Variants in ADGRG5 observed in about 807,000 individuals in gnomAD.
The protein encoded by ADGRG5 is adhesion G protein-coupled receptor G5.
In ADGRG5, 37 loss-of-function variants were observed where a neutral mutation model predicts 53.2. That is an observed-to-expected ratio of 0.70 (90% confidence interval 0.53 to 0.91). ADGRG5 has a LOEUF of 0.91. Ranked by LOEUF, ADGRG5 falls within the 40% of genes least tolerant of loss-of-function variation. The pLI, the probability that ADGRG5 is intolerant of heterozygous loss-of-function variation, is 0.00. For synonymous variants in ADGRG5, 277 were observed against 290.4 expected (o/e 0.95, Z 0.47); for missense variants, 614 against 675.8 (o/e 0.91, Z 1.01).
At chr16:57,548,719 C>CT (rs56928422) in intron 1 of ADGRG5, among the ~76,000 whole-genome samples, 92 of 107,992 alleles carry the variant, frequency 8.5e-4, no homozygotes, top group South Asian at 8.5e-3. Context: ...TTGAGATTGG[C>CT]TTTTTTTTTT....
chr16:57,535,622 G>A, the ADGRG5 span, among the ~76,000 whole-genome samples: 4 of 151,674 alleles, frequency 2.6e-5, no homozygotes, highest in Non-Finnish European at 5.9e-5. Flanking sequence ...TGGGGACCCA[G>A]CCCCACCCCG....
chr16:57,568,820 C>A (rs529817866), intron 9 of ADGRG5, among the ~76,000 whole-genome samples: 27 of 151,348 alleles, frequency 1.8e-4, no homozygotes, highest in Non-Finnish European at 3.7e-4. Flanking sequence ...TCCATCACCA[C>A]CTCCTCCACC....
intron 10 of ADGRG5, among the ~76,000 whole-genome samples, chr16:57,573,422 C>A (rs1453977449): frequency 2.2e-5 from 3 of 139,034 alleles, no homozygotes; most frequent in Admixed American, 7.1e-5. Flanking sequence ...GACAGAGACT[C>A]CCTCTCAAAA....
intron 5 of ADGRG5, among the ~76,000 whole-genome samples, chr16:57,564,545 G>A (rs984435946): frequency 2.4e-4 from 36 of 152,172 alleles, no homozygotes; most frequent in Non-Finnish European, 4.4e-4. Flanking sequence ...CAAGTGATCC[G>A]CCTGCCTTGG....
Position 57,563,984 on chromosome 16 carries a change from G to A in ADGRG5, c.429+5G>A, listed in dbSNP as rs201176226. 7 of 1,609,374 alleles carry A rather than the reference G, an allele frequency of 4.3e-6. No individual in the cohort carries two copies. The African/African-American group carries it at 8.0e-5, about 18-fold the overall frequency. On this transcript the variant is annotated splice_donor_5th_base_variant and intron_variant, in intron 5 of 11. Transcript: ENST00000349457. ...TCCAACACCCACTTTTTCAAGGTCA[G>A]TGTGATGGCGGGCCAAGGAGGGTGG...
At chr16:57,530,124 G>T in the ADGRG5 span, among the ~76,000 whole-genome samples, 2 of 152,114 alleles carry the variant, frequency 1.3e-5, no homozygotes, top group African/African-American at 4.8e-5. Context: ...TCCTCAGATG[G>T]AAAGGGCTTC....
At chr16:57,553,858 A>G (rs1038716130) in intron 1 of ADGRG5, among the ~76,000 whole-genome samples, 1 of 151,948 alleles carries the variant, frequency 6.6e-6, no homozygotes, top group East Asian at 1.9e-4. Context: ...TTTCCCTTCT[A>G]TTTTCTAAAG....
At chr16:57,561,447 C>G (rs1336109889) in intron 1 of ADGRG5, among the ~76,000 whole-genome samples, 1 of 152,148 alleles carries the variant, frequency 6.6e-6, no homozygotes, top group Non-Finnish European at 1.5e-5. Flanking sequence ...AGCACATCCT[C>G]CAGCAGCTTC....
intron 10 of ADGRG5, among the ~76,000 whole-genome samples, chr16:57,570,903 C>T (rs1398614225): frequency 6.6e-6 from 1 of 152,184 alleles, no homozygotes; most frequent in Admixed American, 6.5e-5. Flanking sequence ...GCTGCACCTA[C>T]CCAGGCTCCA....
At chr16:57,552,765 A>T (rs2032784889) in intron 1 of ADGRG5, among the ~76,000 whole-genome samples, 1 of 152,172 alleles carries the variant, frequency 6.6e-6, no homozygotes, top group Non-Finnish European at 1.5e-5. Context: ...TCGGTGCAGG[A>T]TGCCTCGCTT....
chr16:57,562,432 G>T lies in ADGRG5; in HGVS notation c.113G>T (p.Arg38Met). ...TACATGGAGAATATGCAGGTGTCCA[G>T]GGGCCGGAGCTCAGTTTTTTCCTCT... ...LSYMENMQVS[R>M]GRSSVFSSRQ... Residue 38 changes from arginine to methionine, a missense_variant, in exon 3 of 12, where the codon AGG becomes ATG. Arg to Met is a moderately conservative substitution (Grantham distance 91, BLOSUM62 -1). Transcript: ENST00000349457. 1 of 1,606,660 alleles carries T rather than the reference G, an allele frequency of 6.2e-7. No homozygotes were observed. The highest frequency in any genetic ancestry group is 8.5e-7 in the Non-Finnish European group (1 of 1,176,850).
chr16:57,567,339 C>T, intron 7 of ADGRG5, 131 bp from the exon 8 acceptor site: 1 of 1,000,292 alleles, frequency 1.0e-6, no homozygotes, highest in Admixed American at 2.6e-5. Flanking sequence ...TGGCCTTGTT[C>T]AAGCCAGGTC....
At position 57,563,880 on chromosome 16, in the gene ADGRG5, C is replaced by T. The variant is rs779097441; in HGVS notation, c.330C>T (p.Ala110=). ...GTCAGCATGCCCGGGGTCAGCACGC[C>T]ATGCAGTTCCCCGCCGAGCTGACCC... ...AGGQHARGQH[A]MQFPAELTRD... The change falls in exon 5 of 12, where the codon GCC becomes GCT. Residue 110 remains alanine, a synonymous_variant. Transcript: ENST00000349457. The T allele has an allele frequency of 5.6e-6, 9 of 1,614,036 alleles. No homozygotes were observed. Among genetic ancestry groups the T allele is most frequent in the Middle Eastern group, 1.7e-4 (1 of 6,022 alleles).
At chr16:57,555,948 C>A (rs60991236) in intron 1 of ADGRG5, among the ~76,000 whole-genome samples, 3,623 of 152,074 alleles carry the variant, frequency 0.024, 149 homozygotes, top group African/African-American at 0.079. Context: ...AAGTGTGTAG[C>A]ACTTCCCCCT....
intron 5 of ADGRG5, 139 bp from the exon 6 acceptor site, chr16:57,564,895 G>A (rs2033094273): frequency 1.6e-6 from 1 of 633,464 alleles, no homozygotes; most frequent in Non-Finnish European, 2.8e-6. Flanking sequence ...AGGCTGGGAG[G>A]CTGGGAGGCT....
intron 1 of ADGRG5, among the ~76,000 whole-genome samples, chr16:57,545,455 G>A (rs552484784): frequency 1.3e-5 from 2 of 152,306 alleles, no homozygotes; most frequent in African/African-American, 4.8e-5. Flanking sequence ...GGGAGGCTGA[G>A]GTGGGAGGAT....
the ADGRG5 span, among the ~76,000 whole-genome samples, chr16:57,534,462 CTTCA>C: frequency 6.6e-6 from 1 of 152,184 alleles, no homozygotes; most frequent in Non-Finnish European, 1.5e-5. Context: ...TCTCTCCTTC[CTTCA>C]TCAGCAAACT....
chr16:57,558,341 G>A (rs12923247), intron 1 of ADGRG5, among the ~76,000 whole-genome samples: 16,278 of 152,214 alleles, frequency 0.11, 1,408 homozygotes, highest in East Asian at 0.43. Context: ...GTGGTGGACC[G>A]TCCCTACATT....
At chr16:57,537,352 A>G in the ADGRG5 span, among the ~76,000 whole-genome samples, 3 of 152,230 alleles carry the variant, frequency 2.0e-5, no homozygotes, top group African/African-American at 7.2e-5. Flanking sequence ...ATTCACCAAG[A>G]TGGTGGGGAA....
Sources: gnomAD v4.1 joint callset for allele counts (sites outside exome capture counted in the v4.1 genomes callset) on GRCh38, gnomAD v4.1.1 for gene constraint, MANE v1.5 for transcripts, NCBI Gene and HGNC (gene_info 2026-07-23, HGNC 2026-07-21) for gene names.